SEL1L: variants seen among roughly 807,000 people sequenced by gnomAD.
SEL1L encodes SEL1L adaptor subunit of SYVN1 ubiquitin ligase.
Under a neutral mutation model 109.8 loss-of-function variants are expected in SEL1L, and 52 were observed. The ratio of observed to expected loss-of-function variants is 0.47; its 90% CI spans 0.38 to 0.60. SEL1L has a LOEUF of 0.60. Ranked by LOEUF, SEL1L falls within the 20% of genes least tolerant of loss-of-function variation. The pLI is 0.00. For missense variants in SEL1L, 749 were observed against 962.2 expected, an observed-to-expected ratio of 0.78 and a Z score of 2.93; for synonymous variants, 373 against 339.6, an observed-to-expected ratio of 1.10 and a Z score of -1.08.
At chr14:81,500,819 G>T (rs1883973688) in intron 6 of SEL1L, among the ~76,000 whole-genome samples, 1 of 152,140 alleles carries the variant, frequency 6.6e-6, no homozygotes, top group African/African-American at 2.4e-5. Context: ...GCTCTACAAT[G>T]TTAGAGCACA....
intron 3 of SEL1L, among the ~76,000 whole-genome samples, chr14:81,508,717 G>A (rs1243098927): frequency 6.6e-6 from 1 of 152,164 alleles, no homozygotes; most frequent in Non-Finnish European, 1.5e-5. Context: ...CTGTAGAACT[G>A]CAGTTTGTAA....
Position 81,475,626 on chromosome 14 carries a change from C to A in SEL1L, c.*1346G>T, listed in dbSNP as rs1488480652. ...CAGACAAGATACAGGCTGGTGAACACCACCATCTGACAATAAAATGAAATA... is the reference window on the plus strand; with the variant it reads ...CAGACAAGATACAGGCTGGTGAACAACACCATCTGACAATAAAATGAAATA... On this transcript the variant is annotated 3_prime_UTR_variant, in exon 21 of 21. Coordinates refer to ENST00000336735, the MANE Select transcript of SEL1L (RefSeq NM_005065.6). 1 of 152,154 alleles carries A rather than the reference C, an allele frequency of 6.6e-6. No homozygotes were observed. The allele number at this position is 152,154 out of a possible 1,614,324, so 9.4% of individuals were successfully genotyped here.
Position 81,487,295 on chromosome 14 carries a change from A to G in SEL1L, c.1632+95T>C, listed in dbSNP as rs1903549753. 5.7e-6 allele frequency: 7 copies of G among 1,233,032 alleles called. No homozygotes were observed. The South Asian group carries it at 1.2e-4, about 20-fold the overall frequency. 76.4% of individuals were successfully genotyped at this position (1,233,032 alleles called of 1,614,324 possible). A position where few individuals can be genotyped will look rare whatever the true frequency, so the allele number is the denominator to read the frequency against. ...CTAGGTAGGCTGAGTCTAGAACTAC[A>G]GAAGAAAACATACAAAAAAACCAGA... On this transcript the variant is annotated intron_variant, in intron 16 of 20. Coordinates refer to ENST00000336735, the MANE Select transcript of SEL1L (RefSeq NM_005065.6).
At chr14:81,522,710 G>A (rs533853703) in intron 3 of SEL1L, among the ~76,000 whole-genome samples, 1 of 152,288 alleles carries the variant, frequency 6.6e-6, no homozygotes, top group Admixed American at 6.5e-5. Context: ...TCCAGGACCT[G>A]GCCTGGTGGT....
At position 81,533,781 on chromosome 14, in the gene SEL1L, C is replaced by A. The variant is rs75794283; in HGVS notation, c.-37G>T. 7.9e-3 allele frequency: 12,651 copies of A among 1,596,828 alleles called. 575 individuals carry two copies. The African/African-American group carries it at 0.12, about 15-fold the overall frequency. The stretch of plus-strand genomic sequence containing the variant: ...GGCCGGTGCCAACCCCTAGAGCTGT[C>A]GCCTTCGCCTCTGCCACCACGGACT... On this transcript the variant is annotated 5_prime_UTR_variant, in exon 1 of 21. Transcript: ENST00000336735.
Position 81,472,514 on chromosome 14 carries a change from C to T in SEL1L, c.*4458G>A, listed in dbSNP as rs868324469. Reference sequence around the variant, plus strand: ...TTAATATTTTTTCATTTCTCCTTTACTCAGAGCATATTTAGTCTAAATGTT... The same window carrying T: ...TTAATATTTTTTCATTTCTCCTTTATTCAGAGCATATTTAGTCTAAATGTT... On this transcript the variant is annotated 3_prime_UTR_variant, in exon 21 of 21. Transcript: ENST00000336735. 4.6e-5 allele frequency: 18 copies of T among 391,040 alleles called. 1 individual carries two copies. The highest frequency in any genetic ancestry group is 3.6e-4 in the Middle Eastern group (1 of 2,808). The allele number at this position is 391,040 out of a possible 1,614,324, so 24.2% of individuals were successfully genotyped here. A position where few individuals can be genotyped will look rare whatever the true frequency, so the allele number is the denominator to read the frequency against.
intron 3 of SEL1L, among the ~76,000 whole-genome samples, chr14:81,517,216 T>G (rs1181010000): frequency 6.6e-6 from 1 of 152,146 alleles, no homozygotes; most frequent in Non-Finnish European, 1.5e-5. Context: ...AAGATCCAGC[T>G]CCAGGAAAGC....
chr14:81,496,899 A>C (rs1883779990), intron 10 of SEL1L, among the ~76,000 whole-genome samples: 1 of 152,210 alleles, frequency 6.6e-6, no homozygotes, highest in Non-Finnish European at 1.5e-5. Flanking sequence ...AAATGGTAAA[A>C]GTGCTCATCG....
In SEL1L at chr14:81,476,738, G is replaced by A; in HGVS notation, c.*234C>T. ...CCAGAAAAGAAAAAAAAAAGCCACT[G>A]AAAGTTGTTATTCCATATGGCACTG... On this transcript the variant is annotated 3_prime_UTR_variant, in exon 21 of 21. Transcript: ENST00000336735. The A allele has an allele frequency of 2.1e-6, 1 of 481,640 alleles. No homozygotes were observed. Among genetic ancestry groups the A allele is most frequent in the Admixed American group, 3.4e-5 (1 of 29,592 alleles). 29.8% of individuals were successfully genotyped at this position (481,640 alleles called of 1,614,324 possible). A position where few individuals can be genotyped will look rare whatever the true frequency, so the allele number is the denominator to read the frequency against.
intron 18 of SEL1L, 128 bp downstream of exon 18, chr14:81,485,544 G>T: frequency 1.4e-6 from 1 of 738,944 alleles, no homozygotes; most frequent in Non-Finnish European, 2.3e-6. Flanking sequence ...CTCCTGCCTT[G>T]GCTTCCGAAA....
chr14:81,487,108 T>C (rs1173271881), intron 16 of SEL1L, among the ~76,000 whole-genome samples: 2 of 152,194 alleles, frequency 1.3e-5, no homozygotes, highest in African/African-American at 2.4e-5. Flanking sequence ...TCAGCTTATA[T>C]ATTTTTTTGA....
intron 3 of SEL1L, among the ~76,000 whole-genome samples, chr14:81,523,226 C>A (rs1884993643): frequency 6.6e-6 from 1 of 152,142 alleles, no homozygotes; most frequent in Non-Finnish European, 1.5e-5. Context: ...AATTTACAGT[C>A]CCATCCCCCA....
chr14:81,488,624 G>C (rs979121855), intron 14 of SEL1L, among the ~76,000 whole-genome samples: 1 of 152,172 alleles, frequency 6.6e-6, no homozygotes, highest in Non-Finnish European at 1.5e-5. Flanking sequence ...TGCACAGAAG[G>C]ATGAGATGCA....
chr14:81,488,278 C>G (rs922847558), intron 14 of SEL1L, among the ~76,000 whole-genome samples: 1 of 152,076 alleles, frequency 6.6e-6, no homozygotes, highest in African/African-American at 2.4e-5. Flanking sequence ...CCTCAATTTT[C>G]CTAAAATTAA....
chr14:81,489,209 G>T, intron 14 of SEL1L, 43 bp downstream of exon 14: 1 of 1,548,692 alleles, frequency 6.5e-7, no homozygotes, highest in Non-Finnish European at 8.9e-7. Flanking sequence ...TACCTCTCCA[G>T]CTGACTGCTC....
intron 10 of SEL1L, 90 bp downstream of exon 10, chr14:81,497,801 TA>T: frequency 8.5e-7 from 1 of 1,180,386 alleles, no homozygotes; most frequent in Non-Finnish European, 1.2e-6. Flanking sequence ...AATGAAAATG[TA>T]ACTTACAGAT....
At chr14:81,495,427 G>C (rs768065895) in intron 10 of SEL1L, among the ~76,000 whole-genome samples, 4 of 152,122 alleles carry the variant, frequency 2.6e-5, no homozygotes, top group Non-Finnish European at 5.9e-5. Context: ...CTTGAGCCCA[G>C]GAGTTGAAGA....
Position 81,533,827 on chromosome 14 carries a change from C to A in SEL1L, c.-83G>T. On this transcript the variant is annotated 5_prime_UTR_variant, in exon 1 of 21. Transcript: ENST00000336735. ...GGACTCAGCCACCACCGCCGCCTCG[C>A]CGCTGCTCTTCCTGCTCTAGTCTCC... The A allele has an allele frequency of 7.3e-7, 1 of 1,367,582 alleles. No individual in the cohort carries two copies. The highest frequency in any genetic ancestry group is 1.0e-6 in the Non-Finnish European group (1 of 976,394). 84.7% of individuals were successfully genotyped at this position (1,367,582 alleles called of 1,614,324 possible).
Position 81,495,090 on chromosome 14 carries a change from C to G in SEL1L, c.1176G>C (p.Gln392His). The change falls in exon 11 of 21, where the codon CAG (glutamine) becomes CAC (histidine). Residue 392 changes from glutamine to histidine, a missense_variant. Physicochemically the swap from Gln to His is conservative, Grantham distance 24 (BLOSUM62 0). This residue lies in a region of SEL1L where 383 missense variants were observed against 562.5 expected (regional missense o/e 0.68). Transcript: ENST00000336735. Reference sequence around the variant, plus strand: ...GGAACAGGGTAGTTACCTGATGATTCTGTTCTACTCCACGCCCTCCGTGCA... The same window carrying G: ...GGAACAGGGTAGTTACCTGATGATTGTGTTCTACTCCACGCCCTCCGTGCA... ...LHLHGGRGVE[Q>H]NHQRAFDYFN... The G allele has an allele frequency of 6.2e-7, 1 of 1,613,976 alleles. No homozygotes were observed. The highest frequency in any genetic ancestry group is 8.5e-7 in the Non-Finnish European group (1 of 1,179,950).
Sources: allele counts gnomAD v4.1 joint callset (sites outside exome capture counted in the v4.1 genomes callset), GRCh38; gene constraint gnomAD v4.1.1; regional missense constraint gnomAD v4.1.1; transcripts MANE v1.5; gene names NCBI Gene and HGNC (gene_info 2026-07-23, HGNC 2026-07-21).